The following RHOA variants were observed in gnomAD, a reference collection of about 807,000 sequenced individuals.
RHOA encodes ras homolog family member A.
A neutral mutation model predicts 17.5 loss-of-function variants in RHOA; 3 were observed. That is an observed-to-expected ratio of 0.17 (90% CI 0.08 to 0.44). The LOEUF (loss-of-function observed/expected upper bound fraction) is 0.44. Ranked by LOEUF, RHOA falls within the 20% of genes least tolerant of loss-of-function variation. RHOA has a pLI of 0.99. For missense variants in RHOA, 56 were observed against 242.3 expected (o/e 0.23, Z 5.10); for synonymous variants, 98 against 88.4 (o/e 1.11, Z -0.61).
rs1438561248 is a variant in RHOA at position 49,404,247 on chromosome 3, G to A, written c.-3+7573C>T. Among the ~76,000 whole-genome samples, 8 of 149,228 alleles carry A rather than the reference G, an allele frequency of 5.4e-5. 1 individual carries two copies. The highest frequency in any genetic ancestry group is 1.5e-4 in the African/African-American group (6 of 40,590). ...GACACCAAAAGTTGGAGGCCACCATGAGCTATGACTGTGCCACTGCACTCC... is the reference window on the plus strand; with the variant it reads ...GACACCAAAAGTTGGAGGCCACCATAAGCTATGACTGTGCCACTGCACTCC... On this transcript the variant is annotated intron_variant, in intron 1 of 4. Coordinates refer to ENST00000418115, the MANE Select transcript of RHOA (RefSeq NM_001664.4).
At chr3:49,394,390 G>A (rs1253813938) in intron 1 of RHOA, among the ~76,000 whole-genome samples, 4 of 151,730 alleles carry the variant, frequency 2.6e-5, no homozygotes, top group Non-Finnish European at 5.9e-5. Flanking sequence ...TCTCTCTGTT[G>A]CCCAGGCTGA....
intron 1 of RHOA, among the ~76,000 whole-genome samples, chr3:49,381,865 C>CA (rs111761769): frequency 0.26 from 35,542 of 138,036 alleles, 4,491 homozygotes; most frequent in African/African-American, 0.3. Context: ...AAATTCGTCT[C>CA]AAAAAAAAAA....
chr3:49,368,940 C>A (rs1201813786), intron 2 of RHOA, among the ~76,000 whole-genome samples: 3 of 147,628 alleles, frequency 2.0e-5, no homozygotes, highest in Non-Finnish European at 4.5e-5. Context: ...ATCTCCTGAC[C>A]TCATGATCCG....
chr3:49,408,795 CTT>C (rs113298712), intron 1 of RHOA, among the ~76,000 whole-genome samples: 27,924 of 142,810 alleles, frequency 0.2, 3,128 homozygotes, highest in Non-Finnish European at 0.28. Flanking sequence ...ACTTAAGATC[CTT>C]TTTTTTTTTT....
intron 1 of RHOA, among the ~76,000 whole-genome samples, chr3:49,377,279 G>A (rs765231436): frequency 5.3e-5 from 8 of 150,976 alleles, no homozygotes; most frequent in Non-Finnish European, 3.0e-5. Context: ...AAGGACGGAC[G>A]GAAGCATGAG....
At chr3:49,366,318 C>T (rs895007002) in intron 3 of RHOA, among the ~76,000 whole-genome samples, 1 of 152,124 alleles carries the variant, frequency 6.6e-6, no homozygotes, top group Admixed American at 6.6e-5. Flanking sequence ...AAAACCAAAA[C>T]TAGGCTGGGT....
At chr3:49,400,878 T>C (rs1462177253) in intron 1 of RHOA, among the ~76,000 whole-genome samples, 1 of 151,388 alleles carries the variant, frequency 6.6e-6, no homozygotes, top group Non-Finnish European at 1.5e-5. Context: ...ATCCCGTCTC[T>C]ACTAAAAATA....
chr3:49,381,543 C>T (rs1025830812), intron 1 of RHOA, among the ~76,000 whole-genome samples: 1 of 151,664 alleles, frequency 6.6e-6, no homozygotes, highest in African/African-American at 2.4e-5. Flanking sequence ...CCACTGCACT[C>T]CAGCCTGGGC....
At chr3:49,399,781 T>C (rs1354545125) in intron 1 of RHOA, among the ~76,000 whole-genome samples, 2 of 152,078 alleles carry the variant, frequency 1.3e-5, no homozygotes, top group Non-Finnish European at 2.9e-5. Flanking sequence ...ACTGTTTGAA[T>C]TTACCAAATA....
At chr3:49,370,248 GAAAAAAAC>G (rs1004870097) in intron 2 of RHOA, among the ~76,000 whole-genome samples, 2 of 151,758 alleles carry the variant, frequency 1.3e-5, no homozygotes, top group African/African-American at 4.8e-5. Flanking sequence ...ACTCAATTAG[GAAAAAAAC>G]AAAAAAACAA....
chr3:49,393,888 T>C (rs2048567841), intron 1 of RHOA, among the ~76,000 whole-genome samples: 1 of 150,738 alleles, frequency 6.6e-6, no homozygotes. Flanking sequence ...TTTTTTTTTT[T>C]TGAGATGGAG....
intron 1 of RHOA, among the ~76,000 whole-genome samples, chr3:49,400,812 G>A (rs547200984): frequency 8.2e-4 from 124 of 151,770 alleles, no homozygotes; most frequent in African/African-American, 2.9e-3. Context: ...TTGGGAGGCC[G>A]AGGCGGGCGG....
At chr3:49,385,017 G>A (rs2048373452) in intron 1 of RHOA, among the ~76,000 whole-genome samples, 1 of 148,848 alleles carries the variant, frequency 6.7e-6, no homozygotes, top group African/African-American at 2.5e-5. Flanking sequence ...GAGCTGAGAT[G>A]GCACCACTGC....
intron 2 of RHOA, among the ~76,000 whole-genome samples, chr3:49,373,747 G>A (rs557267771): frequency 4.8e-4 from 73 of 151,776 alleles, no homozygotes; most frequent in African/African-American, 1.8e-3. Context: ...AAGGCTGCAT[G>A]ATCATGTCAC....
At chr3:49,379,946 T>A (rs2048291048) in intron 1 of RHOA, among the ~76,000 whole-genome samples, 1 of 152,232 alleles carries the variant, frequency 6.6e-6, no homozygotes, top group Non-Finnish European at 1.5e-5. Context: ...ATTCCTTCCA[T>A]CTGGCAGACA....
At chr3:49,376,174 A>T (rs2048223735) in intron 1 of RHOA, among the ~76,000 whole-genome samples, 1 of 152,086 alleles carries the variant, frequency 6.6e-6, no homozygotes, top group African/African-American at 2.4e-5. Context: ...AGGATACTGG[A>T]GGTCCTAGCC....
Position 49,362,565 on chromosome 3 carries a change from G to A in RHOA, c.339C>T (p.Ile113=), listed in dbSNP as rs2047989371. ...VKHFCPNVPI[I]LVGNKKDLRN... ...GAAGATCCTTCTTATTCCCAACCAG[G>A]ATGATGGGCACGTTGGGACAGAAAT... The change falls in exon 4 of 5, where the codon ATC becomes ATT. Residue 113 remains isoleucine (I), a synonymous_variant. Coordinates refer to ENST00000418115, the MANE Select transcript of RHOA (RefSeq NM_001664.4). The A allele has an allele frequency of 3.1e-6, 5 of 1,613,542 alleles. No homozygotes were observed. In the African/African-American group the frequency reaches 6.7e-5, roughly 22 times the overall value.
At chr3:49,368,914 A>G (rs1290115875) in intron 2 of RHOA, among the ~76,000 whole-genome samples, 1 of 142,268 alleles carries the variant, frequency 7.0e-6, no homozygotes, top group African/African-American at 2.6e-5. Flanking sequence ...TCACTGTGTT[A>G]GCCAGGATGG....
At chr3:49,369,933 G>A (rs2048124753) in intron 2 of RHOA, among the ~76,000 whole-genome samples, 2 of 152,086 alleles carry the variant, frequency 1.3e-5, no homozygotes, top group African/African-American at 4.8e-5. Context: ...TGGGCGTGGT[G>A]AAGCATGCCT....
Sources: gnomAD v4.1 joint callset for allele counts (sites outside exome capture counted in the v4.1 genomes callset) on GRCh38, gnomAD v4.1.1 for gene constraint, MANE v1.5 for transcripts, NCBI Gene and HGNC (gene_info 2026-07-23, HGNC 2026-07-21) for gene names.